ABCA12: variants seen among roughly 807,000 people sequenced by gnomAD.
ABCA12 encodes glucosylceramide transporter ABCA12.
Under a neutral mutation model 293.5 loss-of-function variants are expected in ABCA12, and 156 were observed. That is an observed-to-expected ratio of 0.53 (90% CI 0.47 to 0.61). The LOEUF (loss-of-function observed/expected upper bound fraction) is 0.61. Among genes scored for constraint, ABCA12 ranks in the 20% least tolerant of loss-of-function variants. ABCA12 has a pLI of 0.00. For synonymous variants in ABCA12, 1,063 were observed against 1,108.0 expected (o/e 0.96, Z 0.81); for missense variants, 2,797 against 3,090.2 (o/e 0.91, Z 2.25).
chr2:214,997,399 C>T (rs1034790618), intron 23 of ABCA12, among the ~76,000 whole-genome samples: 7 of 152,094 alleles, frequency 4.6e-5, no homozygotes, highest in Non-Finnish European at 8.8e-5. Context: ...CTGTTAGATC[C>T]TAAGTCCTAT....
rs193280702 is a variant in ABCA12 at position 214,947,737 on chromosome 2, A to T, written c.7105-181T>A. On this transcript the variant is annotated intron_variant, in intron 47 of 52. Coordinates refer to ENST00000272895, the MANE Select transcript of ABCA12 (RefSeq NM_173076.3). ...TTTTCAAAGAATCACTTAAGGATTAATAGTTTATTTAAAGAGATTCTTTGG... is the reference window on the plus strand; with the variant it reads ...TTTTCAAAGAATCACTTAAGGATTATTAGTTTATTTAAAGAGATTCTTTGG... 2.5e-5 allele frequency: 18 copies of T among 722,130 alleles called. No individual in the cohort carries two copies. The African/African-American group carries it at 2.7e-4, about 11-fold the overall frequency. The allele number at this position is 722,130 out of a possible 1,614,324, so 44.7% of individuals were successfully genotyped here.
At chr2:215,018,752 C>A (rs1268010450) in intron 13 of ABCA12, among the ~76,000 whole-genome samples, 4 of 152,188 alleles carry the variant, frequency 2.6e-5, no homozygotes, top group Non-Finnish European at 5.9e-5. Context: ...AATCATCCTG[C>A]AAATGCCTTT....
chr2:214,989,704 T>C, intron 24 of ABCA12, 83 bp from the exon 25 acceptor site: 3 of 1,453,800 alleles, frequency 2.1e-6, no homozygotes, highest in Non-Finnish European at 2.8e-6. Flanking sequence ...CTTAAAACTT[T>C]GGACATTTGT....
rs1006010928 is a variant in ABCA12 at position 214,998,185 on chromosome 2, G to A, written c.3180-376C>T. Among the ~76,000 whole-genome samples, 11 of 152,066 alleles carry A rather than the reference G, an allele frequency of 7.2e-5. 1 individual carries two copies. The highest frequency in any genetic ancestry group is 1.2e-4 in the Non-Finnish European group (8 of 68,022). On this transcript the variant is annotated intron_variant, in intron 22 of 52. Transcript: ENST00000272895. ...CTAAAAGGCAGATTTAAAATGAGAC[G>A]ATGATTGGTTTACCTAACTAAAAGC... is the stretch of plus-strand genomic sequence containing the variant.
At chr2:215,037,890 A>G (rs1701023769) in intron 7 of ABCA12, among the ~76,000 whole-genome samples, 1 of 152,206 alleles carries the variant, frequency 6.6e-6, no homozygotes, top group Admixed American at 6.5e-5. Flanking sequence ...TTAGTTAAGT[A>G]GTAGGCTTTT....
chr2:215,109,110 A>C (rs1224688397), intron 2 of ABCA12, among the ~76,000 whole-genome samples: 1 of 151,554 alleles, frequency 6.6e-6, no homozygotes, highest in African/African-American at 2.4e-5. Flanking sequence ...CTTCTCTACC[A>C]GTCTTACATT....
intron 8 of ABCA12, chr2:215,032,248 T>A: frequency 2.2e-6 from 1 of 461,748 alleles, no homozygotes; most frequent in Non-Finnish European, 3.1e-6. Context: ...GATTTGTTAA[T>A]CAAATGAAGC....
chr2:214,953,753 C>A, intron 44 of ABCA12, 101 bp downstream of exon 44: 1 of 1,442,942 alleles, frequency 6.9e-7, no homozygotes, highest in Non-Finnish European at 9.3e-7. Context: ...CCAAACATTT[C>A]CATATTACCA....
chr2:215,080,768 A>G (rs757390551), intron 2 of ABCA12: 55 of 153,144 alleles, frequency 3.6e-4, no homozygotes, highest in Non-Finnish European at 5.6e-4. Flanking sequence ...CACATCCAGT[A>G]GGCCGCTCCA....
intron 3 of ABCA12, among the ~76,000 whole-genome samples, chr2:215,063,469 T>C (rs1701575987): frequency 6.6e-6 from 1 of 151,990 alleles, no homozygotes. Flanking sequence ...AAAATTGAAG[T>C]TGTAAATGGT....
intron 41 of ABCA12, among the ~76,000 whole-genome samples, chr2:214,957,339 A>G (rs1252065222): frequency 1.3e-5 from 2 of 152,170 alleles, no homozygotes; most frequent in Non-Finnish European, 2.9e-5. Flanking sequence ...GATGGACACA[A>G]TGAAGGTGGT....
In ABCA12 at chr2:214,954,132, A is replaced by AACTC. The variant is rs747628857; in HGVS notation, c.6394-29_6394-26dup. 10 of 1,610,936 alleles carry AACTC rather than the reference A, an allele frequency of 6.2e-6. No homozygotes were observed. In the South Asian group the frequency reaches 8.8e-5, roughly 14 times the overall value. On this transcript the variant is annotated intron_variant, in intron 43 of 52. Transcript: ENST00000272895. ...TCTGAAATAAGAGAAATAAAAATAA[A>AACTC]ACTCAGTGTTAAGTTTCCAAAAAGC...
intron 3 of ABCA12, 107 bp downstream of exon 3, chr2:215,063,959 A>T: frequency 7.0e-7 from 1 of 1,434,780 alleles, no homozygotes; most frequent in Middle Eastern, 1.8e-4. Context: ...TTATAGACAG[A>T]GAAAACAAAA....
intron 11 of ABCA12, among the ~76,000 whole-genome samples, chr2:215,021,706 T>G (rs533677272): frequency 6.6e-6 from 1 of 152,284 alleles, no homozygotes; most frequent in Non-Finnish European, 1.5e-5. Flanking sequence ...TACCGGCAAA[T>G]GTTTGGGAAT....
intron 14 of ABCA12, among the ~76,000 whole-genome samples, chr2:215,017,052 T>G (rs953889360): frequency 5.3e-5 from 8 of 152,220 alleles, no homozygotes; most frequent in Non-Finnish European, 1.2e-4. Context: ...AAAAGATCAA[T>G]GAATATTATT....
chr2:215,029,541 A>G lies in ABCA12; in HGVS notation c.1061+2280T>C, dbSNP rs961198025. ...GCAAAATACTGGCCTTATCTACTAG[A>G]TGGACTGGAACAAGAGAGTTTCATG... On this transcript the variant is annotated intron_variant, in intron 9 of 52. Coordinates refer to ENST00000272895, the MANE Select transcript of ABCA12 (RefSeq NM_173076.3). Among the ~76,000 whole-genome samples, 12 of 152,204 alleles carry G rather than the reference A, an allele frequency of 7.9e-5. No individual in the cohort carries two copies. The South Asian group carries it at 1.0e-3, about 13-fold the overall frequency.
At chr2:215,109,282 G>A (rs990629702) in intron 2 of ABCA12, among the ~76,000 whole-genome samples, 3 of 152,070 alleles carry the variant, frequency 2.0e-5, no homozygotes, top group Non-Finnish European at 4.4e-5. Context: ...GGTAAGATGC[G>A]GTAAATCTCA....
intron 37 of ABCA12, 43 bp downstream of exon 37, chr2:214,970,230 A>C: frequency 6.3e-7 from 1 of 1,577,810 alleles, no homozygotes; most frequent in Non-Finnish European, 8.6e-7. Flanking sequence ...GCTACCATTA[A>C]AATTAGCAAG....
Position 214,987,764 on chromosome 2 carries a change from A to G in ABCA12, c.3859T>C (p.Phe1287Leu), listed in dbSNP as rs1699818975. 1.2e-6 allele frequency: 2 copies of G among 1,613,928 alleles called. No homozygotes were observed. The highest frequency in any genetic ancestry group is 1.7e-6 in the Non-Finnish European group (2 of 1,179,954). ...GTYGMAAPWY[F>L]PILPSYWKER... ...TTCCAATAGGAAGGAAGAATTGGAA[A>G]ATACCAGGGAGCTGCCATACCGTAT... is the stretch of plus-strand genomic sequence containing the variant. The change falls in exon 27 of 53, where the codon TTT (phenylalanine) becomes CTT (leucine). Residue 1287 changes from phenylalanine to leucine, a missense_variant. Physicochemically the swap from Phe to Leu is conservative, Grantham distance 22 (BLOSUM62 0). Coordinates refer to ENST00000272895, the MANE Select transcript of ABCA12 (RefSeq NM_173076.3).
Sources: allele counts gnomAD v4.1 joint callset (sites outside exome capture counted in the v4.1 genomes callset), GRCh38; gene constraint gnomAD v4.1.1; transcripts MANE v1.5; gene names NCBI Gene and HGNC (gene_info 2026-07-23, HGNC 2026-07-21).